SLC24A2: variants seen among roughly 807,000 people sequenced by gnomAD.
The protein encoded by SLC24A2 is sodium/potassium/calcium exchanger 2.
SLC24A2 carries 36 observed loss-of-function variants against 62.0 expected under a neutral mutation model. The ratio of observed to expected loss-of-function variants is 0.58; its 90% CI spans 0.44 to 0.77. The LOEUF (loss-of-function observed/expected upper bound fraction) is 0.77, where lower values mean the gene tolerates loss of function less well. SLC24A2 is among the 30% of genes least tolerant of loss of function. The probability of loss-of-function intolerance (pLI) is 0.00; values close to 1 mark genes in which losing one functional copy is unlikely to be tolerated. For synonymous variants in SLC24A2, 358 were observed against 294.0 expected, an observed-to-expected ratio of 1.22 and a Z score of -2.23; for missense variants, 846 against 817.9, an observed-to-expected ratio of 1.03 and a Z score of -0.42.
chr9:19,754,366 G>A (rs937595175), intron 2 of SLC24A2, among the ~76,000 whole-genome samples: 2 of 152,218 alleles, frequency 1.3e-5, no homozygotes, highest in Non-Finnish European at 2.9e-5. Context: ...AGCCTGGCCA[G>A]CCCTATTTCT....
chr9:19,908,870 T>C, the SLC24A2 span, among the ~76,000 whole-genome samples: 15 of 152,124 alleles, frequency 9.9e-5, no homozygotes, highest in Non-Finnish European at 1.9e-4. Flanking sequence ...AGGAACACTT[T>C]TAAACTGTTG....
At chr9:19,916,990 T>TG in the SLC24A2 span, among the ~76,000 whole-genome samples, 3 of 147,792 alleles carry the variant, frequency 2.0e-5, no homozygotes, top group Admixed American at 6.7e-5. Context: ...TGTTTTTTTT[T>TG]TTTTTTTTTT....
the SLC24A2 span, among the ~76,000 whole-genome samples, chr9:19,850,974 T>TAC: frequency 8.5e-5 from 4 of 46,900 alleles, no homozygotes; most frequent in South Asian, 4.6e-4. Flanking sequence ...TATGTATATA[T>TAC]ATATATATAT....
rs768310383 is a variant in SLC24A2, at chr9:19,577,052, A to G, written c.1130-30T>C. ...AGCAAAAGAAAGTGGCAGGAAGGAG[A>G]CACAATGAGAAAGAAGAGAGTCTCA... On this transcript the variant is annotated intron_variant, in intron 5 of 10. Transcript: ENST00000341998. 31 of 1,571,694 alleles carry G rather than the reference A, an allele frequency of 2.0e-5. No homozygotes were observed. In the East Asian group the frequency reaches 4.7e-4, roughly 24 times the overall value.
At chr9:20,218,132 A>G in the SLC24A2 span, among the ~76,000 whole-genome samples, 1 of 152,178 alleles carries the variant, frequency 6.6e-6, no homozygotes, top group Non-Finnish European at 1.5e-5. Context: ...TCCAAAAGGT[A>G]TAAAAGAGGA....
intron 2 of SLC24A2, among the ~76,000 whole-genome samples, chr9:19,766,852 C>T (rs745875838): frequency 1.2e-4 from 19 of 152,150 alleles, no homozygotes; most frequent in African/African-American, 2.2e-4. Flanking sequence ...TCTTCAGAGC[C>T]GGCAGGCAGG....
At chr9:19,986,663 C>G in the SLC24A2 span, among the ~76,000 whole-genome samples, 171 of 152,210 alleles carry the variant, frequency 1.1e-3, no homozygotes, top group Middle Eastern at 3.4e-3. Flanking sequence ...CTAGAAAACA[C>G]TACGTTATAT....
At chr9:19,633,420 T>A (rs1003664528) in intron 2 of SLC24A2, among the ~76,000 whole-genome samples, 1 of 152,282 alleles carries the variant, frequency 6.6e-6, no homozygotes, top group Non-Finnish European at 1.5e-5. Context: ...ACCAGCAATG[T>A]GTGAGTGATG....
At chr9:19,976,346 C>T in the SLC24A2 span, among the ~76,000 whole-genome samples, 3 of 152,322 alleles carry the variant, frequency 2.0e-5, no homozygotes, top group South Asian at 6.2e-4. Context: ...ATCATGGGGG[C>T]AGACATGCCC....
Position 19,600,135 on chromosome 9 carries a change from T to C in SLC24A2, c.1079-2856A>G, listed in dbSNP as rs1292749034. 3.9e-5 allele frequency among the ~76,000 whole-genome samples: 6 copies of C among 152,300 alleles called. No homozygotes were observed. In the East Asian group the frequency reaches 9.7e-4, roughly 25 times the overall value. On this transcript the variant is annotated intron_variant, in intron 4 of 10. Coordinates refer to ENST00000341998, the MANE Select transcript of SLC24A2 (RefSeq NM_020344.4). ...GGTACCACCTGGTGCCTCTTCTCTA[T>C]AACATTTCTCTAAGAAGCCACACAG... is the stretch of plus-strand genomic sequence containing the variant.
At chr9:20,179,841 TTCTC>T in the SLC24A2 span, among the ~76,000 whole-genome samples, 1 of 152,176 alleles carries the variant, frequency 6.6e-6, no homozygotes, top group African/African-American at 2.4e-5. Context: ...TTGCTTCTAT[TTCTC>T]TCTAAATATT....
intron 4 of SLC24A2, among the ~76,000 whole-genome samples, chr9:19,617,747 G>A (rs1204787457): frequency 1.3e-5 from 2 of 152,212 alleles, no homozygotes; most frequent in African/African-American, 4.8e-5. Flanking sequence ...CAAACTACTA[G>A]TTGTGCAAGG....
chr9:19,907,871 G>C, the SLC24A2 span, among the ~76,000 whole-genome samples: 19 of 152,220 alleles, frequency 1.2e-4, no homozygotes, highest in East Asian at 3.3e-3. Context: ...CATGCTCATG[G>C]GTAGGAAGAA....
the SLC24A2 span, among the ~76,000 whole-genome samples, chr9:20,016,680 T>C: frequency 6.6e-6 from 1 of 152,222 alleles, no homozygotes; most frequent in East Asian, 1.9e-4. Flanking sequence ...TATATTTAAA[T>C]TCAGCAACTG....
chr9:20,124,591 C>T, the SLC24A2 span, among the ~76,000 whole-genome samples: 4 of 152,058 alleles, frequency 2.6e-5, no homozygotes, highest in Non-Finnish European at 5.9e-5. Flanking sequence ...TGTTACGTAC[C>T]TAGTGCCTTC....
At chr9:19,804,908 T>G in the SLC24A2 span, among the ~76,000 whole-genome samples, 7,027 of 152,250 alleles carry the variant, frequency 0.046, 183 homozygotes, top group African/African-American at 0.064. Flanking sequence ...TTCTCCTTTA[T>G]TCTACTAATG....
chr9:19,878,817 C>T, the SLC24A2 span, among the ~76,000 whole-genome samples: 1 of 152,112 alleles, frequency 6.6e-6, no homozygotes, highest in Admixed American at 6.5e-5. Context: ...TTATAAATTA[C>T]CCAGTTTCAG....
At chr9:20,299,075 G>A in the SLC24A2 span, among the ~76,000 whole-genome samples, 33 of 152,322 alleles carry the variant, frequency 2.2e-4, no homozygotes, top group African/African-American at 7.9e-4. Context: ...ACAATTTGAG[G>A]TCTTGAGATA....
intron 2 of SLC24A2, among the ~76,000 whole-genome samples, chr9:19,782,716 T>C (rs140386037): frequency 7.8e-4 from 119 of 152,352 alleles, no homozygotes; most frequent in African/African-American, 2.7e-3. Context: ...TTAACATTCA[T>C]TGAAAACAAC....
Sources: gnomAD v4.1 joint callset for allele counts (sites outside exome capture counted in the v4.1 genomes callset) on GRCh38, gnomAD v4.1.1 for gene constraint, MANE v1.5 for transcripts, NCBI Gene and HGNC (gene_info 2026-07-23, HGNC 2026-07-21) for gene names.